Variants in SNTB1 observed in about 807,000 individuals in gnomAD.
SNTB1 encodes syntrophin beta 1.
A neutral mutation model predicts 48.9 loss-of-function variants in SNTB1; 36 were observed. The ratio of observed to expected loss-of-function variants is 0.74; its 90% confidence interval spans 0.56 to 0.97. The LOEUF (loss-of-function observed/expected upper bound fraction) is 0.97. Among genes scored for constraint, SNTB1 ranks in the 50% least tolerant of loss-of-function variants. SNTB1 has a pLI of 0.00. For missense variants in SNTB1, 786 were observed against 703.4 expected (o/e 1.12, Z -1.33); for synonymous variants, 299 against 294.6 (o/e 1.01, Z -0.15).
chr8:120,655,030 A>G, intron 2 of SNTB1: 1 of 454,828 alleles, frequency 2.2e-6, no homozygotes, highest in African/African-American at 2.0e-5. Context: ...TGTGATTCCT[A>G]TGGCTGATGA....
At chr8:120,620,941 CTCTTT>C (rs1276417288) in intron 3 of SNTB1, among the ~76,000 whole-genome samples, 1 of 135,382 alleles carries the variant, frequency 7.4e-6, no homozygotes, top group Non-Finnish European at 1.7e-5. Flanking sequence ...CTTCTTCCCT[CTCTTT>C]TCTTTTCTTT....
At chr8:120,656,511 A>G (rs1817505788) in intron 2 of SNTB1, among the ~76,000 whole-genome samples, 1 of 152,116 alleles carries the variant, frequency 6.6e-6, no homozygotes, top group Admixed American at 6.5e-5. Flanking sequence ...TATCATCTAT[A>G]CCTCCCAAAA....
intron 3 of SNTB1, among the ~76,000 whole-genome samples, chr8:120,616,291 T>C (rs1816712676): frequency 7.2e-6 from 1 of 139,124 alleles, no homozygotes; most frequent in Non-Finnish European, 1.5e-5. Context: ...TGCTTAAGAT[T>C]AGCTTGATTT....
intron 2 of SNTB1, among the ~76,000 whole-genome samples, chr8:120,664,077 C>T (rs1817635938): frequency 1.3e-5 from 2 of 151,984 alleles, no homozygotes; most frequent in Admixed American, 6.6e-5. Flanking sequence ...GCGGATGGTA[C>T]CAAAATAATT....
At chr8:120,728,590 A>G (rs1185145028) in intron 1 of SNTB1, among the ~76,000 whole-genome samples, 2 of 152,130 alleles carry the variant, frequency 1.3e-5, no homozygotes, top group Non-Finnish European at 2.9e-5. Context: ...AACATGCAGC[A>G]TTTGGTTTTC....
intron 2 of SNTB1, among the ~76,000 whole-genome samples, chr8:120,670,321 C>T (rs560959077): frequency 6.6e-6 from 1 of 152,314 alleles, no homozygotes; most frequent in South Asian, 2.1e-4. Flanking sequence ...AAAGGGCTAG[C>T]TCAAACCCAA....
chr8:120,753,461 G>A (rs4871124), intron 1 of SNTB1, among the ~76,000 whole-genome samples: 2 of 151,902 alleles, frequency 1.3e-5, no homozygotes, highest in Non-Finnish European at 2.9e-5. Context: ...AAAAATCTAC[G>A]CTAAATCCTC....
chr8:120,728,829 A>G (rs996608369), intron 1 of SNTB1, among the ~76,000 whole-genome samples: 1 of 152,144 alleles, frequency 6.6e-6, no homozygotes, highest in Non-Finnish European at 1.5e-5. Context: ...TTGGTAGAAC[A>G]TTTTGTTTTC....
intron 2 of SNTB1, among the ~76,000 whole-genome samples, chr8:120,674,396 G>A (rs1048833851): frequency 1.3e-5 from 2 of 152,190 alleles, no homozygotes; most frequent in Non-Finnish European, 2.9e-5. Flanking sequence ...AAGCAAACAA[G>A]GCTGCTTTAC....
intron 1 of SNTB1, among the ~76,000 whole-genome samples, chr8:120,773,189 T>C (rs1255792918): frequency 6.6e-6 from 1 of 152,046 alleles, no homozygotes; most frequent in Non-Finnish European, 1.5e-5. Flanking sequence ...ATGGAGGAAA[T>C]CTTCTTAGAG....
At chr8:120,647,070 G>T (rs1441628486) in intron 2 of SNTB1, among the ~76,000 whole-genome samples, 3 of 139,382 alleles carry the variant, frequency 2.2e-5, no homozygotes, top group Non-Finnish European at 4.7e-5. Flanking sequence ...TTCTTTATTA[G>T]TCTTGCTAGC....
At chr8:120,639,408 C>T (rs1370529994) in intron 2 of SNTB1, among the ~76,000 whole-genome samples, 1 of 152,140 alleles carries the variant, frequency 6.6e-6, no homozygotes, top group Non-Finnish European at 1.5e-5. Context: ...TGCCATTTGT[C>T]AATTTTGGCT....
rs1815237942 is a variant in SNTB1 at position 120,538,773 on chromosome 8, A to G, written c.*104T>C. 10 of 947,448 alleles carry G rather than the reference A, an allele frequency of 1.1e-5. No individual in the cohort carries two copies. The South Asian group carries it at 1.3e-4, about 12-fold the overall frequency. 58.7% of individuals were successfully genotyped at this position (947,448 alleles called of 1,614,324 possible). A position where few individuals can be genotyped will look rare whatever the true frequency, so the allele number is the denominator to read the frequency against. On this transcript the variant is annotated 3_prime_UTR_variant, in exon 7 of 7. Coordinates refer to ENST00000517992, the MANE Select transcript of SNTB1 (RefSeq NM_021021.4). ...ACTCTTGAGAGCTAAAGCTGACTGT[A>G]GCACGCTACATCTGGTGCGCTGCTC...
intron 1 of SNTB1, 135 bp downstream of exon 1, chr8:120,811,138 C>G (rs960758869): frequency 1.0e-5 from 13 of 1,238,108 alleles, no homozygotes; most frequent in East Asian, 2.7e-5. Context: ...CCTTCCCCCC[C>G]CCCCAACACA....
chr8:120,804,371 G>A (rs531443566), intron 1 of SNTB1, among the ~76,000 whole-genome samples: 312 of 152,042 alleles, frequency 2.1e-3, no homozygotes, highest in Admixed American at 5.8e-3. Flanking sequence ...GCTAATCACC[G>A]GCTCAAGTAC....
intron 1 of SNTB1, among the ~76,000 whole-genome samples, chr8:120,742,515 G>A (rs778317405): frequency 1.1e-4 from 16 of 152,176 alleles, no homozygotes; most frequent in South Asian, 8.3e-4. Context: ...TGGCACCTGA[G>A]CATCCCTGTC....
chr8:120,693,939 A>G, intron 1 of SNTB1, 31 bp from the exon 2 acceptor site: 2 of 1,536,550 alleles, frequency 1.3e-6, no homozygotes, highest in Non-Finnish European at 9.0e-7. Flanking sequence ...AGTGCTTTTA[A>G]TACATCACGG....
chr8:120,581,313 G>C (rs1347752971), intron 3 of SNTB1, among the ~76,000 whole-genome samples: 1 of 152,050 alleles, frequency 6.6e-6, no homozygotes, highest in Non-Finnish European at 1.5e-5. Flanking sequence ...GTGTCAAGAG[G>C]GGAGCAGAGG....
intron 2 of SNTB1, among the ~76,000 whole-genome samples, chr8:120,682,970 C>A (rs1417337360): frequency 6.6e-6 from 1 of 151,330 alleles, no homozygotes; most frequent in Admixed American, 6.6e-5. Context: ...CAACCTCCGC[C>A]TCCTGGGTTC....
Sources: allele counts gnomAD v4.1 joint callset (sites outside exome capture counted in the v4.1 genomes callset), GRCh38; gene constraint gnomAD v4.1.1; transcripts MANE v1.5; gene names NCBI Gene and HGNC (gene_info 2026-07-23, HGNC 2026-07-21).